DUSP22: variants seen among roughly 807,000 people sequenced by gnomAD.
The protein encoded by DUSP22 is dual specificity protein phosphatase 22.
A neutral mutation model predicts 24.5 loss-of-function variants in DUSP22; 24 were observed. That is an observed-to-expected ratio of 0.98 (90% CI 0.71 to 1.38). The LOEUF (loss-of-function observed/expected upper bound fraction) is 1.38, where lower values mean the gene tolerates loss of function less well. Among genes scored for constraint, DUSP22 ranks in the 40% most tolerant of loss-of-function variants. The pLI, the probability that DUSP22 is intolerant of heterozygous loss-of-function variation, is 0.00. For missense variants in DUSP22, 330 were observed against 269.2 expected, an observed-to-expected ratio of 1.23 and a Z score of -1.58; for synonymous variants, 160 against 106.4, an observed-to-expected ratio of 1.50 and a Z score of -3.10.
At chr6:312,769 C>T (rs1045561742) in intron 3 of DUSP22, among the ~76,000 whole-genome samples, 1 of 152,300 alleles carries the variant, frequency 6.6e-6, no homozygotes, top group Non-Finnish European at 1.5e-5. Flanking sequence ...TTTTTTATTT[C>T]AAATGTATCT....
intron 3 of DUSP22, among the ~76,000 whole-genome samples, chr6:316,773 A>G (rs1758356331): frequency 6.6e-6 from 1 of 152,310 alleles, no homozygotes; most frequent in South Asian, 2.1e-4. Flanking sequence ...TTTAAGAAGT[A>G]TTCTCATGCC....
chr6:341,687 G>C (rs1357063339), intron 4 of DUSP22, among the ~76,000 whole-genome samples: 1 of 152,308 alleles, frequency 6.6e-6, no homozygotes. Context: ...CATGATGCCT[G>C]CACAAGGGCT....
intron 4 of DUSP22, among the ~76,000 whole-genome samples, chr6:344,875 C>T (rs373616912): frequency 2.0e-5 from 3 of 152,296 alleles, no homozygotes; most frequent in Non-Finnish European, 2.9e-5. Context: ...AAAGCCCACA[C>T]GACGTGGTCA....
At chr6:347,514 C>T (rs570231902) in intron 5 of DUSP22, among the ~76,000 whole-genome samples, 265 of 152,322 alleles carry the variant, frequency 1.7e-3, no homozygotes, top group African/African-American at 5.9e-3. Flanking sequence ...TGACCCTAAC[C>T]GTTACTGCCT....
intron 4 of DUSP22, among the ~76,000 whole-genome samples, chr6:344,577 A>G (rs879506993): frequency 2.0e-5 from 3 of 152,300 alleles, no homozygotes; most frequent in African/African-American, 2.4e-5. Context: ...GGTGTGTGCC[A>G]CCGCGTTCAG....
intron 4 of DUSP22, among the ~76,000 whole-genome samples, 188 bp downstream of exon 4, chr6:335,351 T>C (rs1407253732): frequency 6.6e-6 from 1 of 152,306 alleles, no homozygotes; most frequent in African/African-American, 2.4e-5. Flanking sequence ...GGCAGGAGGC[T>C]CCTTGTGGTT....
chr6:322,857 C>A (rs1758675288), intron 3 of DUSP22, among the ~76,000 whole-genome samples: 2 of 146,526 alleles, frequency 1.4e-5, no homozygotes, highest in Non-Finnish European at 3.0e-5. Context: ...TTCGAGTCTG[C>A]AATAGGAAGT....
At chr6:347,600 A>G (rs1759943955) in intron 5 of DUSP22, among the ~76,000 whole-genome samples, 1 of 152,310 alleles carries the variant, frequency 6.6e-6, no homozygotes, top group African/African-American at 2.4e-5. Flanking sequence ...CAGGAAGAGT[A>G]CAAAAGTAAG....
intron 3 of DUSP22, among the ~76,000 whole-genome samples, chr6:334,816 T>C (rs1413868832): frequency 1.3e-5 from 2 of 152,306 alleles, no homozygotes; most frequent in African/African-American, 2.4e-5. Flanking sequence ...GTTTTGAAAG[T>C]AGTTGAAACT....
chr6:302,041 T>C (rs1757601927), intron 1 of DUSP22, among the ~76,000 whole-genome samples: 1 of 152,298 alleles, frequency 6.6e-6, no homozygotes, highest in South Asian at 2.1e-4. Context: ...TTAAAAAAAG[T>C]GCAAATTGGC....
chr6:303,587 A>T (rs1174576617), intron 1 of DUSP22, among the ~76,000 whole-genome samples: 1 of 152,310 alleles, frequency 6.6e-6, no homozygotes, highest in African/African-American at 2.4e-5. Flanking sequence ...GGGTTGGCAG[A>T]CAGTGGGGGC....
intron 3 of DUSP22, among the ~76,000 whole-genome samples, chr6:327,064 C>T (rs1019648973): frequency 2.6e-5 from 4 of 152,296 alleles, no homozygotes; most frequent in African/African-American, 7.2e-5. Context: ...ACAGACAATA[C>T]GTGAATCAGT....
chr6:350,578 C>T lies in DUSP22; in HGVS notation c.*1627C>T. The T allele has an allele frequency of 7.1e-7, 1 of 1,412,452 alleles. No homozygotes were observed. The highest frequency in any genetic ancestry group is 9.2e-7 in the Non-Finnish European group (1 of 1,087,144). The allele number at this position is 1,412,452 out of a possible 1,614,324, so 87.5% of individuals were successfully genotyped here. On this transcript the variant is annotated 3_prime_UTR_variant, in exon 7 of 7. Transcript: ENST00000419235. ...GCCTGATTCCGCGCAGGTGCACAGG[C>T]CCCGGATGTACACCCGGAAAGGGGA... is the stretch of plus-strand genomic sequence containing the variant.
At chr6:306,478 C>T (rs1473200086) in intron 2 of DUSP22, among the ~76,000 whole-genome samples, 1 of 152,296 alleles carries the variant, frequency 6.6e-6, no homozygotes, top group Non-Finnish European at 1.5e-5. Context: ...TTTGTGGTTT[C>T]GTCTATGAGA....
intron 1 of DUSP22, among the ~76,000 whole-genome samples, chr6:293,047 G>T (rs1460102164): frequency 6.6e-6 from 1 of 152,284 alleles, no homozygotes; most frequent in Non-Finnish European, 1.5e-5. Flanking sequence ...TGTGGACAGA[G>T]AAGTTAACAG....
At chr6:305,997 C>T (rs1246125394) in intron 2 of DUSP22, among the ~76,000 whole-genome samples, 2 of 152,306 alleles carry the variant, frequency 1.3e-5, no homozygotes, top group African/African-American at 2.4e-5. Context: ...ACTATTAGGC[C>T]TCAAAGAGAA....
At chr6:297,209 A>T (rs1021815347) in intron 1 of DUSP22, among the ~76,000 whole-genome samples, 10 of 152,424 alleles carry the variant, frequency 6.6e-5, no homozygotes, top group South Asian at 4.1e-4. Flanking sequence ...AAGAAACCTT[A>T]GGTGGTTAGC....
At chr6:299,252 G>C (rs1429380291) in intron 1 of DUSP22, among the ~76,000 whole-genome samples, 2 of 152,302 alleles carry the variant, frequency 1.3e-5, no homozygotes, top group Admixed American at 1.3e-4. Flanking sequence ...TGGCCTGACT[G>C]GTCAGCCAGG....
At chr6:331,262 G>C (rs1053841325) in intron 3 of DUSP22, among the ~76,000 whole-genome samples, 1 of 152,304 alleles carries the variant, frequency 6.6e-6, no homozygotes, top group Non-Finnish European at 1.5e-5. Context: ...TATTTATTTA[G>C]TGAGACTTTT....
Sources: allele counts gnomAD v4.1 joint callset (sites outside exome capture counted in the v4.1 genomes callset), GRCh38; gene constraint gnomAD v4.1.1; transcripts MANE v1.5; gene names NCBI Gene and HGNC (gene_info 2026-07-23, HGNC 2026-07-21).